PAX5: variants seen among roughly 807,000 people sequenced by gnomAD.
The protein encoded by PAX5 is paired box protein Pax-5.
PAX5 carries 9 observed loss-of-function variants against 43.7 expected under a neutral mutation model. The ratio of observed to expected loss-of-function variants is 0.21; its 90% CI spans 0.12 to 0.36. The LOEUF (loss-of-function observed/expected upper bound fraction) is 0.36. Among genes scored for constraint, PAX5 ranks in the 10% least tolerant of loss-of-function variants. The pLI is 1.00. For synonymous variants in PAX5, 228 were observed against 214.3 expected (o/e 1.06, Z -0.56); for missense variants, 383 against 532.7 (o/e 0.72, Z 2.77).
intron 8 of PAX5, among the ~76,000 whole-genome samples, chr9:36,859,343 G>A (rs1215063273): frequency 6.6e-6 from 1 of 152,180 alleles, no homozygotes; most frequent in Non-Finnish European, 1.5e-5. Context: ...AGTAGGGAAG[G>A]GAGAGTTATT....
intron 8 of PAX5, among the ~76,000 whole-genome samples, chr9:36,880,273 C>G (rs1400626343): frequency 6.6e-6 from 1 of 152,240 alleles, no homozygotes; most frequent in Non-Finnish European, 1.5e-5. Flanking sequence ...TGTGTGGACA[C>G]CCAGCCCGCA....
intron 8 of PAX5, among the ~76,000 whole-genome samples, chr9:36,855,427 A>G (rs890950692): frequency 4.6e-5 from 7 of 152,308 alleles, no homozygotes; most frequent in African/African-American, 1.7e-4. Context: ...AGTTTAATCC[A>G]TTCTGCTGCT....
intron 8 of PAX5, among the ~76,000 whole-genome samples, chr9:36,853,804 T>A (rs1373545016): frequency 6.6e-6 from 1 of 152,222 alleles, no homozygotes; most frequent in Admixed American, 6.5e-5. Flanking sequence ...ATCACCAGAT[T>A]CAGAGGTGTT....
chr9:36,922,387 C>T (rs1290374681), intron 7 of PAX5, among the ~76,000 whole-genome samples: 1 of 152,222 alleles, frequency 6.6e-6, no homozygotes, highest in Non-Finnish European at 1.5e-5. Flanking sequence ...CCCGCCAGCC[C>T]CTTGTCTATT....
chr9:36,939,608 G>A (rs891503736), intron 6 of PAX5, among the ~76,000 whole-genome samples: 3 of 152,188 alleles, frequency 2.0e-5, no homozygotes, highest in South Asian at 4.1e-4. Context: ...GCATGTAAAT[G>A]TCGGAAAATA....
intron 6 of PAX5, among the ~76,000 whole-genome samples, chr9:36,935,700 G>A (rs1004527393): frequency 6.6e-6 from 1 of 152,234 alleles, no homozygotes; most frequent in Non-Finnish European, 1.5e-5. Context: ...TGGAGCTCAG[G>A]AGTGCTGTAG....
chr9:36,862,352 G>C (rs1323445279), intron 8 of PAX5, among the ~76,000 whole-genome samples: 3 of 152,118 alleles, frequency 2.0e-5, no homozygotes, highest in Admixed American at 6.5e-5. Flanking sequence ...CAATTCTCCC[G>C]CCCGCAGCAA....
At chr9:36,888,389 A>G (rs1179438116) in intron 7 of PAX5, among the ~76,000 whole-genome samples, 1 of 152,270 alleles carries the variant, frequency 6.6e-6, no homozygotes, top group Non-Finnish European at 1.5e-5. Flanking sequence ...TGATGAATGC[A>G]TAACGAAAAT....
chr9:37,031,644 C>T (rs1283348469), intron 1 of PAX5, among the ~76,000 whole-genome samples: 4 of 152,164 alleles, frequency 2.6e-5, no homozygotes, highest in Admixed American at 1.3e-4. Flanking sequence ...TATTCCCTCC[C>T]TTACTCATGC....
intron 8 of PAX5, among the ~76,000 whole-genome samples, chr9:36,868,859 A>G (rs1825155683): frequency 1.3e-5 from 2 of 151,956 alleles, no homozygotes; most frequent in South Asian, 2.1e-4. Flanking sequence ...GCTCACTCCA[A>G]CCTCACAACA....
At chr9:36,872,398 T>C (rs1367681283) in intron 8 of PAX5, among the ~76,000 whole-genome samples, 1 of 152,162 alleles carries the variant, frequency 6.6e-6, no homozygotes, top group Non-Finnish European at 1.5e-5. Flanking sequence ...CATCACTGAC[T>C]TAGAAACCTT....
chr9:36,891,193 A>C (rs1359276128), intron 7 of PAX5, among the ~76,000 whole-genome samples: 1 of 152,376 alleles, frequency 6.6e-6, no homozygotes, highest in East Asian at 1.9e-4. Context: ...TATTTGTACA[A>C]GAGTTATGCT....
chr9:36,863,182 T>A (rs1029303661), intron 8 of PAX5, among the ~76,000 whole-genome samples: 2 of 152,218 alleles, frequency 1.3e-5, no homozygotes, highest in African/African-American at 4.8e-5. Context: ...CTGTCACAGA[T>A]CAGGAGAAAA....
chr9:36,994,264 C>T (rs1588169562), intron 5 of PAX5, among the ~76,000 whole-genome samples: 1 of 152,164 alleles, frequency 6.6e-6, no homozygotes, highest in South Asian at 2.1e-4. Flanking sequence ...GAGAGTGGCC[C>T]GCCAGGCAGG....
At chr9:36,852,606 G>A (rs1270503323) in intron 8 of PAX5, among the ~76,000 whole-genome samples, 1 of 152,248 alleles carries the variant, frequency 6.6e-6, no homozygotes, top group Non-Finnish European at 1.5e-5. Flanking sequence ...GAGCAGAGGA[G>A]CCCGGGCTGG....
chr9:36,881,146 G>T (rs1826376133), intron 8 of PAX5, among the ~76,000 whole-genome samples: 1 of 152,100 alleles, frequency 6.6e-6, no homozygotes, highest in Non-Finnish European at 1.5e-5. Context: ...ATTCCACAAT[G>T]CATACACTGT....
chr9:36,855,490 G>A lies in PAX5; in HGVS notation c.1013-8561C>T, dbSNP rs191398351. ...TCCTGCCCTCATCTAAGCAAACAAT[G>A]GGCATGTACAAATGACCCCCCTGAA... is the stretch of plus-strand genomic sequence containing the variant. On this transcript the variant is annotated intron_variant, in intron 8 of 9. Coordinates refer to ENST00000358127, the MANE Select transcript of PAX5 (RefSeq NM_016734.3). Among the ~76,000 whole-genome samples the A allele has an allele frequency of 1.1e-4, 16 of 142,876 alleles. No homozygotes were observed. The East Asian group carries it at 2.2e-3, about 20-fold the overall frequency. 93.7% of individuals were successfully genotyped at this position (142,876 alleles called of 152,430 possible). A position where few individuals can be genotyped will look rare whatever the true frequency, so the allele number is the denominator to read the frequency against.
At chr9:37,011,806 A>T (rs1019257974) in intron 3 of PAX5, among the ~76,000 whole-genome samples, 4 of 152,174 alleles carry the variant, frequency 2.6e-5, no homozygotes, top group African/African-American at 7.2e-5. Context: ...CCACAAATCC[A>T]GCCATCACTC....
At chr9:36,939,226 A>G (rs1453646971) in intron 6 of PAX5, among the ~76,000 whole-genome samples, 1 of 152,162 alleles carries the variant, frequency 6.6e-6, no homozygotes, top group Non-Finnish European at 1.5e-5. Flanking sequence ...GAAGGTTCTA[A>G]ACTGGCCCTT....
Sources: allele counts gnomAD v4.1 joint callset (sites outside exome capture counted in the v4.1 genomes callset), GRCh38; gene constraint gnomAD v4.1.1; transcripts MANE v1.5; gene names NCBI Gene and HGNC (gene_info 2026-07-23, HGNC 2026-07-21).